Variants in TMEM132B observed in about 807,000 individuals in gnomAD.
The protein encoded by TMEM132B is transmembrane protein 132B.
A neutral mutation model predicts 90.8 loss-of-function variants in TMEM132B; 18 were observed. The observed-to-expected ratio is 0.20, with a 90% CI of 0.14 to 0.29. TMEM132B has a LOEUF of 0.29. Ranked by LOEUF, TMEM132B falls within the 10% of genes least tolerant of loss-of-function variation. The probability of loss-of-function intolerance (pLI) is 1.00; values close to 1 mark genes in which losing one functional copy is unlikely to be tolerated. For missense variants in TMEM132B, 1,096 were observed against 1,326.8 expected (o/e 0.83, Z 2.70); for synonymous variants, 504 against 523.3 (o/e 0.96, Z 0.50).
At chr12:125,463,014 C>G (rs1476963095) in intron 3 of TMEM132B, among the ~76,000 whole-genome samples, 1 of 152,170 alleles carries the variant, frequency 6.6e-6, no homozygotes, top group Non-Finnish European at 1.5e-5. Context: ...GATGTTAAAG[C>G]TTTTAACCTT....
intron 4 of TMEM132B, among the ~76,000 whole-genome samples, chr12:125,537,541 G>A (rs539384838): frequency 6.6e-6 from 1 of 152,218 alleles, no homozygotes; most frequent in Admixed American, 6.5e-5. Flanking sequence ...TGCAGTGAGG[G>A]GCATCACTGG....
intron 1 of TMEM132B, among the ~76,000 whole-genome samples, chr12:125,273,395 C>T (rs761296744): frequency 4.6e-5 from 7 of 151,978 alleles, no homozygotes; most frequent in African/African-American, 1.2e-4. Context: ...AAGACCAACC[C>T]GGGCAACACA....
At chr12:125,493,788 C>T (rs1179099470) in intron 3 of TMEM132B, among the ~76,000 whole-genome samples, 1 of 151,900 alleles carries the variant, frequency 6.6e-6, no homozygotes, top group Non-Finnish European at 1.5e-5. Context: ...CCCCCTCCTC[C>T]CTGGGAATGG....
At chr12:125,363,233 C>T (rs1878017856) in intron 2 of TMEM132B, among the ~76,000 whole-genome samples, 1 of 152,142 alleles carries the variant, frequency 6.6e-6, no homozygotes, top group African/African-American at 2.4e-5. Flanking sequence ...GAACAAGGGT[C>T]CCCAGAGTTG....
chr12:125,316,149 G>T (rs548644877), intron 1 of TMEM132B, among the ~76,000 whole-genome samples: 2 of 152,278 alleles, frequency 1.3e-5, no homozygotes, highest in Non-Finnish European at 2.9e-5. Context: ...TTAGGTGTTG[G>T]AACATTCTTT....
At chr12:125,313,058 C>G (rs78770460) in intron 1 of TMEM132B, among the ~76,000 whole-genome samples, 1 of 152,080 alleles carries the variant, frequency 6.6e-6, no homozygotes, top group African/African-American at 2.4e-5. Flanking sequence ...GCTGGGAGTG[C>G]GAGTGCCTGG....
At chr12:125,379,556 C>A (rs1254373514) in intron 2 of TMEM132B, among the ~76,000 whole-genome samples, 1 of 152,198 alleles carries the variant, frequency 6.6e-6, no homozygotes, top group Non-Finnish European at 1.5e-5. Flanking sequence ...CGCTGCTAAC[C>A]CCTTGATTTT....
intron 4 of TMEM132B, among the ~76,000 whole-genome samples, chr12:125,543,387 A>C (rs949386153): frequency 1.3e-5 from 2 of 152,252 alleles, no homozygotes; most frequent in Non-Finnish European, 2.9e-5. Flanking sequence ...TCTAACAACT[A>C]TTTACATAAA....
chr12:125,214,689 T>C (rs1425171218), intron 1 of TMEM132B, among the ~76,000 whole-genome samples: 1 of 152,160 alleles, frequency 6.6e-6, no homozygotes, highest in Admixed American at 6.5e-5. Flanking sequence ...GTCAGGCTGG[T>C]GCCAAAAAGA....
chr12:125,346,563 A>C (rs1262438189), intron 1 of TMEM132B, among the ~76,000 whole-genome samples: 1 of 152,234 alleles, frequency 6.6e-6, no homozygotes, highest in Non-Finnish European at 1.5e-5. Flanking sequence ...AGGGGAAGTA[A>C]ACCAATGACA....
In TMEM132B at chr12:125,633,157, C is replaced by CT. The variant is rs1458108725; in HGVS notation, c.1438-10917dup. ...GGAGATATATTTTCAAATAACTTGTCTTCAAGCTCACTGATTCTTTCTTGA... is the reference window on the plus strand; with the variant it reads ...GGAGATATATTTTCAAATAACTTGTCTTTCAAGCTCACTGATTCTTTCTTGA... On this transcript the variant is annotated intron_variant, in intron 5 of 8. Coordinates refer to ENST00000682704, the MANE Select transcript of TMEM132B (RefSeq NM_001366854.1). Among the ~76,000 whole-genome samples the CT allele has an allele frequency of 8.5e-5, 13 of 152,256 alleles. No homozygotes were observed. In the East Asian group the frequency reaches 2.5e-3, roughly 29 times the overall value.
rs1882336592 is a variant in TMEM132B, at chr12:125,490,985, C to A, written c.1107-28454C>A. ...AGGCCCATGTGGTGAAAGACTGAGG[C>A]CTCCTGACAATAGCCATATGGGTGT... is the stretch of plus-strand genomic sequence containing the variant. On this transcript the variant is annotated intron_variant, in intron 3 of 8. Coordinates refer to ENST00000682704, the MANE Select transcript of TMEM132B (RefSeq NM_001366854.1). This position sits in a 1 kb window ranked among gnomAD's most constrained non-coding sequence, Gnocchi z 4.2. 6.6e-6 allele frequency among the ~76,000 whole-genome samples: 1 copy of A among 152,118 alleles called. No individual in the cohort carries two copies. The highest frequency in any genetic ancestry group is 2.1e-4 in the South Asian group (1 of 4,824).
At chr12:125,610,958 G>C (rs904470333) in intron 5 of TMEM132B, among the ~76,000 whole-genome samples, 1 of 152,024 alleles carries the variant, frequency 6.6e-6, no homozygotes, top group Admixed American at 6.6e-5. Context: ...TCTAGGGTTG[G>C]TGTTAATTCT....
intron 1 of TMEM132B, among the ~76,000 whole-genome samples, chr12:125,266,021 G>T (rs1874686274): frequency 6.6e-6 from 1 of 152,102 alleles, no homozygotes; most frequent in African/African-American, 2.4e-5. Flanking sequence ...CTGAGGTCAG[G>T]AGTTCAAGAC....
intron 2 of TMEM132B, among the ~76,000 whole-genome samples, chr12:125,389,941 G>A (rs1009431748): frequency 5.3e-5 from 8 of 152,156 alleles, no homozygotes; most frequent in Non-Finnish European, 7.3e-5. Context: ...CAATTGCATA[G>A]CTCGATGAAT....
intron 1 of TMEM132B, among the ~76,000 whole-genome samples, chr12:125,227,612 C>T (rs1411154674): frequency 6.6e-6 from 1 of 152,080 alleles, no homozygotes; most frequent in African/African-American, 2.4e-5. Context: ...TAGGATGGTT[C>T]CCTCTTGAGC....
At chr12:125,429,154 G>A (rs1387178328) in intron 3 of TMEM132B, among the ~76,000 whole-genome samples, 1 of 151,550 alleles carries the variant, frequency 6.6e-6, no homozygotes, top group East Asian at 1.9e-4. Context: ...TCATTAACTA[G>A]AGTCCATAGT....
At chr12:125,376,830 C>T (rs952624620) in intron 2 of TMEM132B, among the ~76,000 whole-genome samples, 1 of 152,224 alleles carries the variant, frequency 6.6e-6, no homozygotes, top group Non-Finnish European at 1.5e-5. Context: ...GAGCCAGTGC[C>T]CCCAGGCACA....
chr12:125,550,647 CT>C (rs1483078315), intron 4 of TMEM132B, among the ~76,000 whole-genome samples: 3 of 152,136 alleles, frequency 2.0e-5, no homozygotes, highest in Admixed American at 2.0e-4. Flanking sequence ...AAAGAATATT[CT>C]TTTTTAAGCT....
Sources: allele counts gnomAD v4.1 joint callset (sites outside exome capture counted in the v4.1 genomes callset), GRCh38; gene constraint gnomAD v4.1.1; non-coding constraint Gnocchi (gnomAD v3.1); transcripts MANE v1.5; gene names NCBI Gene and HGNC (gene_info 2026-07-23, HGNC 2026-07-21).